Variants in KLHL13 observed in about 807,000 individuals in gnomAD.
KLHL13 encodes kelch-like protein 13.
A neutral mutation model predicts 37.1 loss-of-function variants in KLHL13; 10 were observed. The ratio of observed to expected loss-of-function variants is 0.27; its 90% CI spans 0.17 to 0.46. The LOEUF is 0.46. Ranked by LOEUF, KLHL13 falls within the 20% of genes least tolerant of loss-of-function variation. The pLI is 1.00. For missense variants in KLHL13, 360 were observed against 509.3 expected, an observed-to-expected ratio of 0.71 and a Z score of 2.82; for synonymous variants, 163 against 181.2, an observed-to-expected ratio of 0.90 and a Z score of 0.81.
chrX:118,061,528 A>T (rs938907143), intron 1 of KLHL13, among the ~76,000 whole-genome samples: 8 of 111,947 alleles, frequency 7.1e-5, no homozygotes, highest in Non-Finnish European at 1.5e-4. Flanking sequence ...ATAATTTAGG[A>T]CAAAGTCTTT....
chrX:117,985,007 A>C (rs1192258510), intron 1 of KLHL13, among the ~76,000 whole-genome samples: 2 of 110,938 alleles, frequency 1.8e-5, no homozygotes, highest in Non-Finnish European at 3.8e-5. Context: ...ATATAAATAA[A>C]TCTATAACAC....
upstream of KLHL13, among the ~76,000 whole-genome samples, chrX:117,978,223 C>T (rs2053615548): frequency 8.9e-6 from 1 of 112,117 alleles, no homozygotes; most frequent in East Asian, 2.8e-4. Flanking sequence ...ATAAATTAGT[C>T]AAAATCATCA....
chrX:118,091,776 T>C (rs1379068734), intron 1 of KLHL13, among the ~76,000 whole-genome samples: 1 of 110,524 alleles, frequency 9.0e-6, no homozygotes, highest in Non-Finnish European at 1.9e-5. Flanking sequence ...AAATCCCAAA[T>C]TGAATATACC....
intron 1 of KLHL13, among the ~76,000 whole-genome samples, chrX:117,952,097 T>G (rs1447573312): frequency 9.0e-6 from 1 of 111,307 alleles, no homozygotes; most frequent in East Asian, 2.8e-4. Flanking sequence ...CATCGCCAAG[T>G]CAATCCTAAG....
At chrX:117,959,822 G>C (rs1225586716) in intron 1 of KLHL13, among the ~76,000 whole-genome samples, 2 of 111,661 alleles carry the variant, frequency 1.8e-5, no homozygotes, top group Non-Finnish European at 3.8e-5. Flanking sequence ...GAAAATAAAA[G>C]ATGTTACAGG....
chrX:117,993,572 C>G (rs2053818435), intron 1 of KLHL13, among the ~76,000 whole-genome samples: 1 of 111,058 alleles, frequency 9.0e-6, no homozygotes, highest in Admixed American at 9.6e-5. Context: ...TGAACCCAAG[C>G]AGTCTAGCTC....
At chrX:118,021,579 T>G (rs1016330396) in intron 1 of KLHL13, among the ~76,000 whole-genome samples, 2 of 110,872 alleles carry the variant, frequency 1.8e-5, no homozygotes, top group African/African-American at 6.6e-5. Flanking sequence ...TCATCATTTT[T>G]TATGGCTGCA....
chrX:118,038,997 G>A (rs1272282423), intron 1 of KLHL13, among the ~76,000 whole-genome samples: 1 of 112,206 alleles, frequency 8.9e-6, no homozygotes, highest in Non-Finnish European at 1.9e-5. Context: ...CAGTTCTGAA[G>A]CCCCCATTCC....
intron 2 of KLHL13, among the ~76,000 whole-genome samples, chrX:117,922,654 T>C (rs1245309087): frequency 1.8e-5 from 2 of 111,615 alleles, no homozygotes; most frequent in East Asian, 2.8e-4. Context: ...GTGGTAGTGG[T>C]AAAGGTTAAG....
At chrX:118,024,441 G>C (rs898803249) in intron 1 of KLHL13, among the ~76,000 whole-genome samples, 1 of 111,640 alleles carries the variant, frequency 9.0e-6, no homozygotes, top group African/African-American at 3.3e-5. Flanking sequence ...CTCATCAAAA[G>C]ACACAAATAC....
At chrX:118,031,831 G>T (rs1182767375) in intron 1 of KLHL13, among the ~76,000 whole-genome samples, 1 of 108,140 alleles carries the variant, frequency 9.2e-6, no homozygotes, top group Non-Finnish European at 1.9e-5. Flanking sequence ...CTGAGGTACC[G>T]GGTTCATCTC....
chrX:117,904,937 A>G lies in KLHL13; in HGVS notation c.1367-2991T>C, dbSNP rs530618798. Among the ~76,000 whole-genome samples the G allele has an allele frequency of 2.1e-4, 24 of 111,933 alleles. No individual in the cohort carries two copies. The South Asian group carries it at 8.2e-3, about 38-fold the overall frequency. ...TATACTTAGGTTGGTTATCTCACAT[A>G]TATCAGGAGTTCTTATTTTCTGAGA... On this transcript the variant is annotated intron_variant, in intron 5 of 6. Coordinates refer to ENST00000262820, the Ensembl canonical transcript of KLHL13.
rs571583864 is a variant in KLHL13 at position 117,945,480 on chromosome X, G to T, written c.194C>A (p.Pro65His). ...GGTATTGCTGGTAAAGATGCGTGTAGGTCCTGCCTTGGAAGACTGCAAATG... is the reference window on the plus strand; with the variant it reads ...GGTATTGCTGGTAAAGATGCGTGTATGTCCTGCCTTGGAAGACTGCAAATG... Residue 65 changes from proline (P) to histidine (H), a missense_variant, in exon 2 of 7, where the codon CCT becomes CAT. Physicochemically the swap from Pro to His is moderately conservative, Grantham distance 77. Coordinates refer to ENST00000262820, the Ensembl canonical transcript of KLHL13. The T allele has an allele frequency of 2.5e-6, 3 of 1,208,271 alleles. No individual in the cohort carries two copies. The Admixed American group carries it at 6.6e-5, about 27-fold the overall frequency.
chrX:117,911,743 G>A (rs1931003308), intron 4 of KLHL13, among the ~76,000 whole-genome samples: 1 of 111,607 alleles, frequency 9.0e-6, no homozygotes, highest in East Asian at 2.8e-4. Context: ...CCTTTTTTAT[G>A]GCTGCATAGT....
At chrX:117,996,786 C>T (rs1569436178) in intron 1 of KLHL13, among the ~76,000 whole-genome samples, 2 of 106,874 alleles carry the variant, frequency 1.9e-5, no homozygotes, top group African/African-American at 3.4e-5. Context: ...ACCAGTAGCA[C>T]GCACATAATA....
intron 1 of KLHL13, among the ~76,000 whole-genome samples, chrX:118,105,700 C>A (rs761524519): frequency 8.9e-6 from 1 of 111,805 alleles, no homozygotes. Context: ...GAGTGCTTTA[C>A]GTATAATTGC....
At chrX:117,945,386 G>A in intron 2 of KLHL13, 48 bp downstream of exon 3, 2 of 1,156,766 alleles carry the variant, frequency 1.7e-6, no homozygotes, top group East Asian at 3.0e-5. Flanking sequence ...ATCCATGGTG[G>A]GTTTTTTAAA....
chrX:117,970,320 C>A (rs768674718), intron 1 of KLHL13, among the ~76,000 whole-genome samples: 1 of 111,766 alleles, frequency 8.9e-6, no homozygotes, highest in Non-Finnish European at 1.9e-5. Flanking sequence ...CTTATATCAC[C>A]TATGAAGAAT....
rs762082219 is a variant in KLHL13 at position 118,096,545 on chromosome X, T to C, written c.-56+19963A>G. On this transcript the variant is annotated intron_variant, in intron 1 of 6. Coordinates refer to the KLHL13 transcript ENST00000371882. ...TTCCTTCCGAAACTATTCCAATCAA[T>C]AGAAAAAGAGGGAATCCTCCCTAAC... 2.1e-4 allele frequency among the ~76,000 whole-genome samples: 23 copies of C among 111,391 alleles called. No homozygotes were observed. The East Asian group carries it at 2.3e-3, about 11-fold the overall frequency.
Sources: allele counts gnomAD v4.1 joint callset (sites outside exome capture counted in the v4.1 genomes callset), GRCh38; gene constraint gnomAD v4.1.1; transcripts MANE v1.5; gene names NCBI Gene and HGNC (gene_info 2026-07-23, HGNC 2026-07-21).